TRIM38: variants seen among roughly 807,000 people sequenced by gnomAD.
TRIM38 encodes tripartite motif containing 38, also known as E3 ubiquitin-protein ligase TRIM38.
A neutral mutation model predicts 35.8 loss-of-function variants in TRIM38; 35 were observed. That is an observed-to-expected ratio of 0.98 (90% CI 0.75 to 1.30). The LOEUF (loss-of-function observed/expected upper bound fraction) is 1.30, where lower values mean the gene tolerates loss of function less well. TRIM38 is among the 50% of genes most tolerant of loss of function. TRIM38 has a pLI of 0.00. For synonymous variants in TRIM38, 198 were observed against 204.7 expected, an observed-to-expected ratio of 0.97 and a Z score of 0.28; for missense variants, 545 against 556.9, an observed-to-expected ratio of 0.98 and a Z score of 0.21.
rs954890957 is a variant in TRIM38, at chr6:25,990,284, G to A, written c.*6597G>A. 2.0e-5 allele frequency: 3 copies of A among 152,080 alleles called. No individual in the cohort carries two copies. The highest frequency in any genetic ancestry group is 2.9e-5 in the Non-Finnish European group (2 of 68,034). The allele number at this position is 152,080 out of a possible 1,614,324, so 9.4% of individuals were successfully genotyped here. ...ATCTCTACTCAATTCTGTATCAGTA[G>A]TATGCTTTCATTTTAAATTTTAAGT... On this transcript the variant is annotated 3_prime_UTR_variant, in exon 8 of 8. Transcript: ENST00000357085.
rs1760043611 is a variant in TRIM38 at position 25,966,346 on chromosome 6, T to C, written c.-177T>C. 3 of 642,686 alleles carry C rather than the reference T, an allele frequency of 4.7e-6. No individual in the cohort carries two copies. The East Asian group carries it at 8.8e-5, about 19-fold the overall frequency. 39.8% of individuals were successfully genotyped at this position (642,686 alleles called of 1,614,324 possible). On this transcript the variant is annotated 5_prime_UTR_variant, in exon 3 of 8. Coordinates refer to ENST00000357085, the MANE Select transcript of TRIM38 (RefSeq NM_006355.5). ...CTTCTTCCTTTTAGGTCCTCTTTTC[T>C]TCAATACAAAATGAGATAATAGGGG...
chr6:25,976,844 C>A (rs754657005), intron 7 of TRIM38, among the ~76,000 whole-genome samples: 3 of 152,278 alleles, frequency 2.0e-5, no homozygotes, highest in Non-Finnish European at 2.9e-5. Context: ...TCCAAAACTC[C>A]CTGAGTCTTT....
chr6:25,988,132 GA>G lies in TRIM38; in HGVS notation c.*4448del, dbSNP rs1189372999. 1 of 152,144 alleles carries G rather than the reference GA, an allele frequency of 6.6e-6. No individual in the cohort carries two copies. 9.4% of individuals were successfully genotyped at this position (152,144 alleles called of 1,614,324 possible). On this transcript the variant is annotated 3_prime_UTR_variant, in exon 8 of 8. Coordinates refer to ENST00000357085, the MANE Select transcript of TRIM38 (RefSeq NM_006355.5). ...CTCCGAAGTTACCACTCTTTTTCTA[GA>G]AATTTCTGCATAATCCCCCTTAACA...
At position 25,983,258 on chromosome 6, in the gene TRIM38, G is replaced by C. The variant is rs1236775342; in HGVS notation, c.969G>C (p.Gln323His). Residue 323 changes from glutamine to histidine, a missense_variant, in exon 8 of 8, where the codon CAG becomes CAC. Physicochemically the swap from Gln to His is conservative, Grantham distance 24. Coordinates refer to ENST00000357085, the MANE Select transcript of TRIM38 (RefSeq NM_006355.5). The part of the protein sequence containing the change: ...QVTRGYTQEN[Q>H]DTSSRRFTAF... ...CTCGTGGATACACCCAGGAGAATCAGGACACATCTTCCAGGAGATTTACTG... is the reference window on the plus strand; with the variant it reads ...CTCGTGGATACACCCAGGAGAATCACGACACATCTTCCAGGAGATTTACTG... 6.2e-7 allele frequency: 1 copy of C among 1,614,178 alleles called. No homozygotes were observed.
chr6:25,968,978 C>A (rs1205158057), intron 3 of TRIM38, among the ~76,000 whole-genome samples: 2 of 152,308 alleles, frequency 1.3e-5, no homozygotes, highest in East Asian at 3.9e-4. Flanking sequence ...CCTGGCAGGA[C>A]TCTAGTGGTG....
intron 2 of TRIM38, among the ~76,000 whole-genome samples, chr6:25,963,696 C>T (rs1581593939): frequency 6.6e-6 from 1 of 152,194 alleles, no homozygotes; most frequent in Non-Finnish European, 1.5e-5. Flanking sequence ...CTTTCCAATT[C>T]TTATTCCCTC....
chr6:25,974,455 C>A (rs1334789396), intron 7 of TRIM38, among the ~76,000 whole-genome samples: 1 of 152,112 alleles, frequency 6.6e-6, no homozygotes, highest in African/African-American at 2.4e-5. Flanking sequence ...AAATTATATC[C>A]CATCATCTTT....
In TRIM38 at chr6:25,987,009, A is replaced by C. The variant is rs1460913843; in HGVS notation, c.*3322A>C. On this transcript the variant is annotated 3_prime_UTR_variant, in exon 8 of 8. Coordinates refer to ENST00000357085, the MANE Select transcript of TRIM38 (RefSeq NM_006355.5). ...ATTTAGTACATGGCCACACTTAAGA[A>C]GTCAGAAAGATTAGCTTTTTTTCCA... 6.6e-6 allele frequency: 1 copy of C among 152,232 alleles called. No homozygotes were observed. Among genetic ancestry groups the C allele is most frequent in the East Asian group, 1.9e-4 (1 of 5,202 alleles). The allele number at this position is 152,232 out of a possible 1,614,324, so 9.4% of individuals were successfully genotyped here. A position where few individuals can be genotyped will look rare whatever the true frequency, so the allele number is the denominator to read the frequency against.
chr6:25,975,851 T>C (rs1464543779), intron 7 of TRIM38, among the ~76,000 whole-genome samples: 1 of 152,240 alleles, frequency 6.6e-6, no homozygotes, highest in African/African-American at 2.4e-5. Context: ...GTTATTACAA[T>C]GTTGCTACAA....
At chr6:25,977,731 GAGAA>G (rs1250040460) in intron 7 of TRIM38, among the ~76,000 whole-genome samples, 3 of 151,788 alleles carry the variant, frequency 2.0e-5, no homozygotes, top group South Asian at 2.1e-4. Context: ...GGGGAAGGAA[GAGAA>G]AGAAGAAGAA....
Position 25,986,677 on chromosome 6 carries a change from T to C in TRIM38, c.*2990T>C, listed in dbSNP as rs1760716013. Reference sequence around the variant, plus strand: ...TAAAATAGCCCAAAATGACAGTGGCTGAAACAAGTTTATTTCTCTCCCATT... The same window carrying C: ...TAAAATAGCCCAAAATGACAGTGGCCGAAACAAGTTTATTTCTCTCCCATT... On this transcript the variant is annotated 3_prime_UTR_variant, in exon 8 of 8. Coordinates refer to ENST00000357085, the MANE Select transcript of TRIM38 (RefSeq NM_006355.5). 6.6e-6 allele frequency: 1 copy of C among 152,130 alleles called. No homozygotes were observed. The highest frequency in any genetic ancestry group is 6.5e-5 in the Admixed American group (1 of 15,268). The allele number at this position is 152,130 out of a possible 1,614,324, so 9.4% of individuals were successfully genotyped here.
chr6:25,975,202 A>C (rs1191214510), intron 7 of TRIM38: 1 of 939,284 alleles, frequency 1.1e-6, no homozygotes, highest in Non-Finnish European at 1.3e-6. Context: ...CTGTTTATTA[A>C]AATTTTTCTT....
In TRIM38 at chr6:25,985,210, T is replaced by G. The variant is rs1328027452; in HGVS notation, c.*1523T>G. ...ATATGAAATTGTGAAGGTGTCTTCTTACTCGGGGAAGAACAAAAGTTAGTC... is the reference window on the plus strand; with the variant it reads ...ATATGAAATTGTGAAGGTGTCTTCTGACTCGGGGAAGAACAAAAGTTAGTC... On this transcript the variant is annotated 3_prime_UTR_variant, in exon 8 of 8. Coordinates refer to ENST00000357085, the MANE Select transcript of TRIM38 (RefSeq NM_006355.5). The G allele has an allele frequency of 6.6e-6, 1 of 151,670 alleles. No individual in the cohort carries two copies. Among genetic ancestry groups the G allele is most frequent in the African/African-American group, 2.4e-5 (1 of 41,222 alleles). The allele number at this position is 151,670 out of a possible 1,614,324, so 9.4% of individuals were successfully genotyped here.
At chr6:25,979,939 A>G (rs1040678765) in intron 7 of TRIM38, among the ~76,000 whole-genome samples, 1 of 152,114 alleles carries the variant, frequency 6.6e-6, no homozygotes, top group Non-Finnish European at 1.5e-5. Flanking sequence ...TTAGTAGTTT[A>G]CATTTCCTAA....
In TRIM38 at chr6:25,987,208, C is replaced by CT. The variant is rs890022587; in HGVS notation, c.*3521_*3522insT. ...AAAGCTTAACAAAGGTACTCCCCGC[C>CT]CCCCGCCCGCCACACACCATCCCCA... On this transcript the variant is annotated 3_prime_UTR_variant, in exon 8 of 8. Coordinates refer to ENST00000357085, the MANE Select transcript of TRIM38 (RefSeq NM_006355.5). 8.3e-6 allele frequency: 1 copy of CT among 120,970 alleles called. No individual in the cohort carries two copies. Among genetic ancestry groups the CT allele is most frequent in the African/African-American group, 3.4e-5 (1 of 29,720 alleles). 7.5% of individuals were successfully genotyped at this position (120,970 alleles called of 1,614,324 possible). A position where few individuals can be genotyped will look rare whatever the true frequency, so the allele number is the denominator to read the frequency against.
chr6:25,982,525 G>A (rs1374123106), intron 7 of TRIM38, among the ~76,000 whole-genome samples: 1 of 151,992 alleles, frequency 6.6e-6, no homozygotes, highest in Non-Finnish European at 1.5e-5. Context: ...CTTTGACCCC[G>A]CCGGACTTTG....
rs1442586289 is a variant in TRIM38, at chr6:25,985,244, CT to C, written c.*1560del. ...AAGAACAAAAGTTAGTCACCAGAGA[CT>C]TTAGACTCTTATCAGCCTGGACATA... On this transcript the variant is annotated 3_prime_UTR_variant, in exon 8 of 8. Coordinates refer to ENST00000357085, the MANE Select transcript of TRIM38 (RefSeq NM_006355.5). The C allele has an allele frequency of 4.9e-5, 7 of 144,004 alleles. No homozygotes were observed. In the Admixed American group the frequency reaches 5.0e-4, roughly 10 times the overall value. 8.9% of individuals were successfully genotyped at this position (144,004 alleles called of 1,614,324 possible).
chr6:25,973,846 C>T, intron 7 of TRIM38: 2 of 985,400 alleles, frequency 2.0e-6, no homozygotes, highest in Non-Finnish European at 2.4e-6. Context: ...GAACCATTTA[C>T]TGAGTTTCCT....
intron 7 of TRIM38, among the ~76,000 whole-genome samples, chr6:25,980,213 A>C (rs1760506566): frequency 6.6e-6 from 1 of 152,146 alleles, no homozygotes; most frequent in Non-Finnish European, 1.5e-5. Context: ...ATCTTCCCTT[A>C]TTTCTTTCTT....
Sources: gnomAD v4.1 joint callset for allele counts (sites outside exome capture counted in the v4.1 genomes callset) on GRCh38, gnomAD v4.1.1 for gene constraint, MANE v1.5 for transcripts, NCBI Gene and HGNC (gene_info 2026-07-23, HGNC 2026-07-21) for gene names.